SPECC1: variants seen among roughly 807,000 people sequenced by gnomAD.
The protein encoded by SPECC1 is cytospin-B.
A neutral mutation model predicts 104.1 loss-of-function variants in SPECC1; 62 were observed. That is an observed-to-expected ratio of 0.60 (90% CI 0.49 to 0.74). The LOEUF is 0.74. Among genes scored for constraint, SPECC1 ranks in the 30% least tolerant of loss-of-function variants. The probability of loss-of-function intolerance (pLI) is 0.00; values close to 1 mark genes in which losing one functional copy is unlikely to be tolerated. For synonymous variants in SPECC1, 513 were observed against 501.6 expected (o/e 1.02, Z -0.30); for missense variants, 1,306 against 1,310.5 (o/e 1.00, Z 0.05).
chr17:20,132,991 G>A (rs545484442), intron 3 of SPECC1, among the ~76,000 whole-genome samples: 3 of 152,166 alleles, frequency 2.0e-5, no homozygotes, highest in East Asian at 1.9e-4. Context: ...CTGCCGCCTC[G>A]GCCTCCCGAA....
chr17:20,069,727 T>C (rs1264766248), intron 1 of SPECC1, among the ~76,000 whole-genome samples: 1 of 152,210 alleles, frequency 6.6e-6, no homozygotes, highest in African/African-American at 2.4e-5. Flanking sequence ...TGTCTGTTTA[T>C]TTACTTGACT....
intron 7 of SPECC1, among the ~76,000 whole-genome samples, chr17:20,245,483 A>G (rs1396855473): frequency 5.3e-5 from 8 of 152,122 alleles, no homozygotes; most frequent in Non-Finnish European, 7.4e-5. Flanking sequence ...TCCCAGCTGT[A>G]GGAGAGCTGT....
At position 20,287,423 on chromosome 17, in the gene SPECC1, C is replaced by CAAAAAA. The variant is rs61713120; in HGVS notation, c.2941-9511_2941-9506dup. Among the ~76,000 whole-genome samples, 65 of 98,052 alleles carry CAAAAAA rather than the reference C, an allele frequency of 6.6e-4. 1 individual carries two copies. Among genetic ancestry groups the CAAAAAA allele is most frequent in the African/African-American group, 2.6e-3 (62 of 24,078 alleles). 64.3% of individuals were successfully genotyped at this position (98,052 alleles called of 152,430 possible). On this transcript the variant is annotated intron_variant, in intron 12 of 14. Transcript: ENST00000395527. ...TGGGCGACAGAGCGAGACTCCGTCTCAAAAAAAAAAAAAAAAAAAAAAAAA... is the reference window on the plus strand; with the variant it reads ...TGGGCGACAGAGCGAGACTCCGTCTCAAAAAAAAAAAAAAAAAAAAAAAAAAAAAAA...
intron 1 of SPECC1, among the ~76,000 whole-genome samples, chr17:20,071,254 A>C (rs1483856877): frequency 2.0e-5 from 3 of 152,094 alleles, no homozygotes; most frequent in African/African-American, 7.2e-5. Context: ...TCATAATCTG[A>C]ATTCTTATTT....
chr17:20,131,839 G>A (rs1264199253), intron 3 of SPECC1, among the ~76,000 whole-genome samples: 3 of 151,860 alleles, frequency 2.0e-5, no homozygotes, highest in South Asian at 2.1e-4. Flanking sequence ...TAGTAGAGAC[G>A]GGGTTTCACT....
chr17:20,159,602 A>G (rs1445240103), intron 3 of SPECC1, among the ~76,000 whole-genome samples: 1 of 152,228 alleles, frequency 6.6e-6, no homozygotes, highest in Non-Finnish European at 1.5e-5. Context: ...TAGCCCTGGA[A>G]TTGGCTGTGG....
At chr17:20,075,261 A>G (rs767161742) in intron 1 of SPECC1, among the ~76,000 whole-genome samples, 2 of 152,144 alleles carry the variant, frequency 1.3e-5, no homozygotes, top group Non-Finnish European at 2.9e-5. Context: ...ACTGTACAAC[A>G]TCATCTCATT....
At chr17:20,067,060 T>C (rs530019728) in intron 1 of SPECC1, 2 of 152,134 alleles carry the variant, frequency 1.3e-5, no homozygotes, top group South Asian at 2.1e-4. Flanking sequence ...CTTAAATAGA[T>C]TTTAAAAAAT....
chr17:20,238,943 G>A (rs1028343497), intron 7 of SPECC1: 2 of 1,039,872 alleles, frequency 1.9e-6, no homozygotes, highest in African/African-American at 3.4e-5. Context: ...GGGCCTTTAT[G>A]TCGTTTTGTT....
Position 20,204,449 on chromosome 17 carries a change from A to C in SPECC1, c.400A>C (p.Ser134Arg), listed in dbSNP as rs35489815. ...GPSNPRKSVS[S>R]PTSSNTPTPT... ...CTCCAACCCCAGGAAATCAGTGTCC[A>C]GTCCAACTTCTTCCAACACTCCCAC... Residue 134 changes from serine (S) to arginine (R), a missense_variant, in exon 4 of 15, where the codon AGT becomes CGT. Ser to Arg is a moderately radical substitution (Grantham distance 110). Coordinates refer to ENST00000395527, the MANE Select transcript of SPECC1 (RefSeq NM_001243439.2). 4 of 1,614,004 alleles carry C rather than the reference A, an allele frequency of 2.5e-6. No individual in the cohort carries two copies. The highest frequency in any genetic ancestry group is 3.3e-5 in the Admixed American group (2 of 59,996).
At chr17:20,202,615 T>A (rs994769423) in intron 3 of SPECC1, among the ~76,000 whole-genome samples, 1 of 152,200 alleles carries the variant, frequency 6.6e-6, no homozygotes, top group African/African-American at 2.4e-5. Flanking sequence ...TGAATAACAT[T>A]TTCTTTTTTC....
chr17:20,204,898 A>G lies in SPECC1; in HGVS notation c.849A>G (p.Ser283=). Residue 283 remains serine (S), a synonymous_variant, in exon 4 of 15, where the codon TCA becomes TCG. Transcript: ENST00000395527. ...GCCCAACATCCATAACTCAAGAGTC[A>G]AGCTTCGGAAGCCCAACTGGAAATC... The part of the protein sequence containing the change: ...SSCPTSITQE[S]SFGSPTGNQM... 6 of 1,614,070 alleles carry G rather than the reference A, an allele frequency of 3.7e-6. No homozygotes were observed. Among genetic ancestry groups the G allele is most frequent in the Non-Finnish European group, 3.4e-6 (4 of 1,180,016 alleles).
In SPECC1 at chr17:20,316,703, GT is replaced by G. The variant is rs58803620; in HGVS notation, c.*2649del. The G allele has an allele frequency of 0.75, 134,896 of 180,006 alleles. 51,492 individuals carry two copies. Among genetic ancestry groups the G allele is most frequent in the East Asian group, 0.98 (10,831 of 11,058 alleles). 11.2% of individuals were successfully genotyped at this position (180,006 alleles called of 1,614,324 possible). A position where few individuals can be genotyped will look rare whatever the true frequency, so the allele number is the denominator to read the frequency against. On this transcript the variant is annotated 3_prime_UTR_variant, in exon 15 of 15. Coordinates refer to ENST00000395527, the MANE Select transcript of SPECC1 (RefSeq NM_001243439.2). Reference sequence around the variant, plus strand: ...GTGTTTTTTTTGTTGTTGTTTGTTTGTTTTTTTTTTTGAGACAGAGTCTTGC... The same window carrying G: ...GTGTTTTTTTTGTTGTTGTTTGTTTGTTTTTTTTTTGAGACAGAGTCTTGC...
At chr17:20,111,728 G>A in intron 3 of SPECC1, 1 of 675,972 alleles carries the variant, frequency 1.5e-6, no homozygotes, top group Non-Finnish European at 2.7e-6. Flanking sequence ...AATCCCAGTG[G>A]GTGGAGGGAG....
chr17:20,228,941 C>T (rs1271619122), intron 5 of SPECC1, among the ~76,000 whole-genome samples: 1 of 152,206 alleles, frequency 6.6e-6, no homozygotes. Context: ...GTTCCTTACC[C>T]CATGCAGTCG....
chr17:20,127,817 T>C (rs1466533201), intron 3 of SPECC1, among the ~76,000 whole-genome samples: 1 of 152,014 alleles, frequency 6.6e-6, no homozygotes, highest in Non-Finnish European at 1.5e-5. Context: ...CCCCTGTTCT[T>C]ATCAGCTGGC....
Position 20,297,147 on chromosome 17 carries a change from G to A in SPECC1, c.3057+70G>A, listed in dbSNP as rs182481711. The A allele has an allele frequency of 5.2e-5, 70 of 1,352,488 alleles. No individual in the cohort carries two copies. In the East Asian group the frequency reaches 1.6e-3, roughly 30 times the overall value. 83.8% of individuals were successfully genotyped at this position (1,352,488 alleles called of 1,614,324 possible). A position where few individuals can be genotyped will look rare whatever the true frequency, so the allele number is the denominator to read the frequency against. The stretch of plus-strand genomic sequence containing the variant: ...GGAGTCCTAATTGATAAACCCCACT[G>A]TGGGAGGGGGCTTACAGGCCTGAAG... On this transcript the variant is annotated intron_variant, in intron 13 of 14. Transcript: ENST00000395527.
chr17:20,094,850 T>C (rs2047569604), intron 1 of SPECC1, among the ~76,000 whole-genome samples: 1 of 152,208 alleles, frequency 6.6e-6, no homozygotes, highest in African/African-American at 2.4e-5. Flanking sequence ...TCCTCCCACT[T>C]TGGCCTCCCA....
rs149787807 is a variant in SPECC1, at chr17:20,052,770, C to G, written c.-22+43346C>G. ...ACAGGGTAGCAGATATGCCAGAATG[C>G]TGAAACCTGGAACAGGCCAGGAAGA... is the stretch of plus-strand genomic sequence containing the variant. On this transcript the variant is annotated intron_variant, in intron 1 of 14. Transcript: ENST00000395527. Among the ~76,000 whole-genome samples, 5 of 152,304 alleles carry G rather than the reference C, an allele frequency of 3.3e-5. No individual in the cohort carries two copies. In the East Asian group the frequency reaches 9.6e-4, roughly 29 times the overall value.
Sources: gnomAD v4.1 joint callset for allele counts (sites outside exome capture counted in the v4.1 genomes callset) on GRCh38, gnomAD v4.1.1 for gene constraint, MANE v1.5 for transcripts, NCBI Gene and HGNC (gene_info 2026-07-23, HGNC 2026-07-21) for gene names.